SGF29: variants seen among roughly 807,000 people sequenced by gnomAD.
SGF29 encodes SAGA complex associated factor 29.
In SGF29, 15 loss-of-function variants were observed where a neutral mutation model predicts 38.1. The ratio of observed to expected loss-of-function variants is 0.39; its 90% confidence interval spans 0.26 to 0.61. The LOEUF (loss-of-function observed/expected upper bound fraction) is 0.61, where lower values mean the gene tolerates loss of function less well. Among genes scored for constraint, SGF29 ranks in the 20% least tolerant of loss-of-function variants. The pLI, the probability that SGF29 is intolerant of heterozygous loss-of-function variation, is 0.49. For synonymous variants in SGF29, 151 were observed against 160.8 expected (o/e 0.94, Z 0.46); for missense variants, 184 against 394.6 (o/e 0.47, Z 4.52).
chr16:28,561,370 T>TA (rs1439715388), intron 1 of SGF29, among the ~76,000 whole-genome samples: 5 of 152,000 alleles, frequency 3.3e-5, no homozygotes, highest in Admixed American at 1.3e-4. Context: ...CTGTCTCTAC[T>TA]AAAAATACAA....
rs759915589 is a variant in SGF29 at position 28,590,127 on chromosome 16, G to A, written c.321G>A (p.Ser107=). 176 of 1,611,786 alleles carry A rather than the reference G, an allele frequency of 1.1e-4. 1 individual carries two copies. The Middle Eastern group carries it at 6.3e-3, about 57-fold the overall frequency. Residue 107 remains serine, a synonymous_variant, in exon 6 of 10, where the codon TCG becomes TCA. Transcript: ENST00000317058. This position sits in a 1 kb window ranked among gnomAD's most constrained non-coding sequence, Gnocchi z 8.2. Reference sequence around the variant, plus strand: ...AGATTGCCGGTCTCTACAATGACTCGGAGCCACCCCGGAAGACCATGCGCA... The same window carrying A: ...AGATTGCCGGTCTCTACAATGACTCAGAGCCACCCCGGAAGACCATGCGCA... The part of the protein sequence containing the change: ...AAKIAGLYND[S]EPPRKTMRRG...
chr16:28,559,994 C>T (rs2046776518), intron 1 of SGF29, among the ~76,000 whole-genome samples: 1 of 152,080 alleles, frequency 6.6e-6, no homozygotes, highest in Admixed American at 6.6e-5. Context: ...CAGCACAGCA[C>T]TTTGGGAGGC....
In SGF29 at chr16:28,573,057, A is replaced by G. The variant is rs73533498; in HGVS notation, c.-15-7998A>G. The stretch of plus-strand genomic sequence containing the variant: ...TTGGCTTCTGTCTCTTCCACGGAAA[A>G]TGTTTTCCCCAAGGTCCTCAGTGAC... On this transcript the variant is annotated intron_variant, in intron 1 of 9. Coordinates refer to ENST00000317058, the MANE Select transcript of SGF29 (RefSeq NM_138414.3). Among the ~76,000 whole-genome samples, 655 of 152,020 alleles carry G rather than the reference A, an allele frequency of 4.3e-3. 4 individuals carry two copies. Among genetic ancestry groups the G allele is most frequent in the African/African-American group, 0.015 (634 of 41,448 alleles).
intron 5 of SGF29, chr16:28,589,445 G>A (rs1228543831): frequency 1.4e-5 from 6 of 427,590 alleles, no homozygotes; most frequent in Admixed American, 7.1e-5. Context: ...CCCCTCCTCT[G>A]CCATGGCCCA....
intron 1 of SGF29, among the ~76,000 whole-genome samples, chr16:28,556,922 A>G (rs1443776921): frequency 6.6e-6 from 1 of 152,196 alleles, no homozygotes; most frequent in African/African-American, 2.4e-5. Context: ...TGCTGGGATT[A>G]CGGTCATGAG....
At chr16:28,564,029 A>G (rs2151642758) in intron 1 of SGF29, among the ~76,000 whole-genome samples, 1 of 152,210 alleles carries the variant, frequency 6.6e-6, no homozygotes, top group East Asian at 1.9e-4. Context: ...TTAGAGGCTT[A>G]AGCCACTGTG....
At position 28,590,842 on chromosome 16, in the gene SGF29, T is replaced by A; in HGVS notation, c.672T>A (p.Pro224=). The change falls in exon 9 of 10, where the codon CCT becomes CCA. Residue 224 remains proline, a synonymous_variant. Coordinates refer to ENST00000317058, the MANE Select transcript of SGF29 (RefSeq NM_138414.3). This position sits in a 1 kb window ranked among gnomAD's most constrained non-coding sequence, Gnocchi z 8.2. ...PQWKANPETD[P]EALFQKEQLV... is the part of the protein sequence containing the mutation. ...GGAAGGCCAACCCGGAGACGGACCC[T>A]GAGGCCTTGTTCCAGAAGGAGCAGC... is the stretch of plus-strand genomic sequence containing the variant. The A allele has an allele frequency of 6.2e-7, 1 of 1,614,036 alleles. No homozygotes were observed. The highest frequency in any genetic ancestry group is 8.5e-7 in the Non-Finnish European group (1 of 1,179,962).
In SGF29 at chr16:28,553,958, C is replaced by T. The variant is rs977811594; in HGVS notation, c.-155C>T. 4.6e-5 allele frequency: 7 copies of T among 152,104 alleles called. No homozygotes were observed. The highest frequency in any genetic ancestry group is 1.2e-4 in the African/African-American group (5 of 41,386). 9.4% of individuals were successfully genotyped at this position (152,104 alleles called of 1,614,324 possible). ...CTACGCTCATAAAAGGAAAAAAAAG[C>T]GTGTGCGGTTCTCGACGTGCCGCCA... On this transcript the variant is annotated 5_prime_UTR_variant, in exon 1 of 10. Transcript: ENST00000317058.
In SGF29 at chr16:28,581,098, T is replaced by C; in HGVS notation, c.29T>C (p.Ile10Thr). Residue 10 changes from isoleucine (I) to threonine (T), a missense_variant, in exon 2 of 10, where the codon ATT (isoleucine) becomes ACT (threonine). Ile to Thr is a moderately conservative substitution (Grantham distance 89). This residue lies in a region of SGF29 where 77 missense variants were observed against 117.7 expected (regional missense o/e 0.65). Transcript: ENST00000317058. ...GCCCTCGTGTCTGCCGATTCCCGCA[T>C]TGCAGAACTTCTCACAGAGCTCCAT... MALVSADSR[I>T]AELLTELHQL... The C allele has an allele frequency of 6.2e-7, 1 of 1,614,086 alleles. No individual in the cohort carries two copies. Among genetic ancestry groups the C allele is most frequent in the South Asian group, 1.1e-5 (1 of 91,064 alleles).
chr16:28,570,018 C>G (rs1372802008), intron 1 of SGF29, among the ~76,000 whole-genome samples: 1 of 152,236 alleles, frequency 6.6e-6, no homozygotes, highest in African/African-American at 2.4e-5. Context: ...TGGGCCCAGG[C>G]AGAGAACTGA....
chr16:28,556,546 C>G (rs550604077), intron 1 of SGF29, among the ~76,000 whole-genome samples: 1 of 152,306 alleles, frequency 6.6e-6, no homozygotes, highest in Admixed American at 6.5e-5. Flanking sequence ...AGGGTTTCAC[C>G]ATGTTGGCCA....
chr16:28,577,637 C>T (rs2046902779), intron 1 of SGF29, among the ~76,000 whole-genome samples: 1 of 152,208 alleles, frequency 6.6e-6, no homozygotes, highest in Admixed American at 6.5e-5. Flanking sequence ...TTCTCTACCT[C>T]CTTCCCAACT....
chr16:28,564,689 A>ATATG (rs1567285896), intron 1 of SGF29, among the ~76,000 whole-genome samples: 1 of 80,798 alleles, frequency 1.2e-5, no homozygotes, highest in East Asian at 2.6e-4. Flanking sequence ...ATATATGTGT[A>ATATG]TATATATGTA....
At position 28,554,092 on chromosome 16, in the gene SGF29, G is replaced by C. The variant is rs1255140075; in HGVS notation, c.-21G>C. 1 of 152,372 alleles carries C rather than the reference G, an allele frequency of 6.6e-6. No individual in the cohort carries two copies. The highest frequency in any genetic ancestry group is 1.5e-5 in the Non-Finnish European group (1 of 68,066). 9.4% of individuals were successfully genotyped at this position (152,372 alleles called of 1,614,324 possible). A position where few individuals can be genotyped will look rare whatever the true frequency, so the allele number is the denominator to read the frequency against. On this transcript the variant is annotated 5_prime_UTR_variant, in exon 1 of 10. Transcript: ENST00000317058. ...AGCCCGACGAGCTTGTTTTGTCCCG[G>C]ACTCGGTAGGTGGCGACGGGCCGTG... is the stretch of plus-strand genomic sequence containing the variant.
Position 28,577,123 on chromosome 16 carries a change from G to A in SGF29, c.-15-3932G>A, listed in dbSNP as rs376859657. Among the ~76,000 whole-genome samples the A allele has an allele frequency of 4.3e-4, 66 of 152,080 alleles. 1 individual carries two copies. The highest frequency in any genetic ancestry group is 1.5e-3 in the African/African-American group (62 of 41,480). On this transcript the variant is annotated intron_variant, in intron 1 of 9. Coordinates refer to ENST00000317058, the MANE Select transcript of SGF29 (RefSeq NM_138414.3). ...GCGGAGGTTGCAGTGAGCCAACATC[G>A]TGCCATTGCACTCCAGCCTCGGTGA...
intron 4 of SGF29, chr16:28,588,698 G>A (rs565691232): frequency 5.1e-6 from 2 of 393,946 alleles, no homozygotes; most frequent in African/African-American, 4.3e-5. Context: ...CCAAGTAGGT[G>A]GGATTACAGT....
chr16:28,559,382 T>G (rs972016431), intron 1 of SGF29, among the ~76,000 whole-genome samples: 2 of 151,734 alleles, frequency 1.3e-5, no homozygotes, highest in African/African-American at 2.4e-5. Flanking sequence ...TTAAGCTGTT[T>G]TTGTTGTTGT....
chr16:28,566,151 G>A (rs1488972218), intron 1 of SGF29, among the ~76,000 whole-genome samples: 1 of 151,900 alleles, frequency 6.6e-6, no homozygotes, highest in African/African-American at 2.4e-5. Flanking sequence ...GCGGGCGCCT[G>A]TAGTCCCAGC....
intron 1 of SGF29, among the ~76,000 whole-genome samples, chr16:28,576,175 A>T (rs1056492083): frequency 6.6e-6 from 1 of 152,146 alleles, no homozygotes; most frequent in Non-Finnish European, 1.5e-5. Context: ...AAAAAAACAC[A>T]TTATTAATTC....
Sources: allele counts gnomAD v4.1 joint callset (sites outside exome capture counted in the v4.1 genomes callset), GRCh38; gene constraint gnomAD v4.1.1; regional missense constraint gnomAD v4.1.1; non-coding constraint Gnocchi (gnomAD v3.1); transcripts MANE v1.5; gene names NCBI Gene and HGNC (gene_info 2026-07-23, HGNC 2026-07-21).